The following SMARCC1 variants were observed in gnomAD, a reference collection of about 807,000 sequenced individuals.
SMARCC1 encodes SWI/SNF complex subunit SMARCC1.
In SMARCC1, 43 loss-of-function variants were observed where a neutral mutation model predicts 147.4. The ratio of observed to expected loss-of-function variants is 0.29; its 90% confidence interval spans 0.23 to 0.38. The LOEUF is 0.38. Ranked by LOEUF, SMARCC1 falls within the 10% of genes least tolerant of loss-of-function variation. The pLI is 1.00. For synonymous variants in SMARCC1, 495 were observed against 484.4 expected (o/e 1.02, Z -0.29); for missense variants, 1,119 against 1,381.1 (o/e 0.81, Z 3.01).
At chr3:47,588,553 C>CT in intron 27 of SMARCC1, among the ~76,000 whole-genome samples, 1 of 152,112 alleles carries the variant, frequency 6.6e-6, no homozygotes, top group Non-Finnish European at 1.5e-5. Context: ...TTCCCCCACC[C>CT]TCCTTCCAGG....
At chr3:47,774,300 C>T (rs1285735671) in intron 1 of SMARCC1, among the ~76,000 whole-genome samples, 4 of 150,884 alleles carry the variant, frequency 2.7e-5, no homozygotes, top group Admixed American at 6.6e-5. Flanking sequence ...GACGAAACCC[C>T]GTCTCCACTA....
At chr3:47,749,712 AAC>A (rs1201169683) in intron 2 of SMARCC1, among the ~76,000 whole-genome samples, 3 of 41,390 alleles carry the variant, frequency 7.2e-5, no homozygotes, top group East Asian at 1.0e-3. Context: ...CTCTAAATTA[AAC>A]ACACACACAC....
At chr3:47,730,539 C>A (rs903976088) in intron 5 of SMARCC1, among the ~76,000 whole-genome samples, 3 of 152,092 alleles carry the variant, frequency 2.0e-5, no homozygotes, top group Non-Finnish European at 4.4e-5. Context: ...AGTGTACATA[C>A]CTTAATTTAA....
At chr3:47,671,480 A>T (rs2033502009) in intron 18 of SMARCC1, among the ~76,000 whole-genome samples, 1 of 152,170 alleles carries the variant, frequency 6.6e-6, no homozygotes, top group Admixed American at 6.5e-5. Flanking sequence ...ATAAGCCCAT[A>T]TTATCTCATT....
intron 19 of SMARCC1, chr3:47,663,565 G>C: frequency 1.6e-6 from 2 of 1,273,954 alleles, no homozygotes; most frequent in Non-Finnish European, 2.2e-6. Context: ...GACAAACACA[G>C]CAAGACCCTG....
chr3:47,636,938 C>T (rs908699715), intron 22 of SMARCC1, among the ~76,000 whole-genome samples: 9 of 152,008 alleles, frequency 5.9e-5, no homozygotes, highest in Admixed American at 2.0e-4. Flanking sequence ...TTGACAAAGT[C>T]TTTTAATACA....
chr3:47,745,495 T>C (rs2034554952), intron 3 of SMARCC1, among the ~76,000 whole-genome samples: 1 of 152,036 alleles, frequency 6.6e-6, no homozygotes, highest in South Asian at 2.1e-4. Context: ...GGTGGAGTGC[T>C]TGAGGCCAGG....
intron 9 of SMARCC1, among the ~76,000 whole-genome samples, chr3:47,708,218 A>C (rs6806860): frequency 0.61 from 91,141 of 150,238 alleles, 28,846 homozygotes; most frequent in East Asian, 0.72. Flanking sequence ...CGGATCACTG[A>C]AGCCTTAACC....
At chr3:47,675,200 A>G (rs2033553993) in intron 18 of SMARCC1, among the ~76,000 whole-genome samples, 2 of 152,188 alleles carry the variant, frequency 1.3e-5, no homozygotes, top group Admixed American at 6.5e-5. Context: ...TAAACCTATC[A>G]AATAATTTCA....
chr3:47,731,843 G>A (rs1032649890), intron 5 of SMARCC1, among the ~76,000 whole-genome samples: 10 of 152,148 alleles, frequency 6.6e-5, no homozygotes, highest in African/African-American at 1.9e-4. Flanking sequence ...TGGAGCACAG[G>A]CAAAATAGAT....
At chr3:47,691,153 C>T (rs1443099450) in intron 12 of SMARCC1, among the ~76,000 whole-genome samples, 5 of 151,904 alleles carry the variant, frequency 3.3e-5, no homozygotes, top group Admixed American at 3.3e-4. Context: ...TAATAATATC[C>T]CTAATATTAT....
intron 25 of SMARCC1, among the ~76,000 whole-genome samples, chr3:47,611,776 G>A (rs2032568891): frequency 6.6e-6 from 1 of 152,238 alleles, no homozygotes; most frequent in Non-Finnish European, 1.5e-5. Flanking sequence ...GGTTATAGGA[G>A]TAGCAACTGG....
chr3:47,621,648 C>T (rs2032733837), intron 25 of SMARCC1, among the ~76,000 whole-genome samples: 1 of 151,914 alleles, frequency 6.6e-6, no homozygotes, highest in Admixed American at 6.6e-5. Context: ...ACTGGTGACT[C>T]CAAAAGGGGA....
At chr3:47,781,224 G>A in intron 1 of SMARCC1, among the ~76,000 whole-genome samples, 1 of 152,182 alleles carries the variant, frequency 6.6e-6, no homozygotes, top group Non-Finnish European at 1.5e-5. Context: ...CTTTGAATAC[G>A]CTCTAAACAA....
intron 10 of SMARCC1, among the ~76,000 whole-genome samples, chr3:47,705,462 G>A (rs1213016374): frequency 2.6e-5 from 4 of 151,968 alleles, no homozygotes; most frequent in Non-Finnish European, 5.9e-5. Flanking sequence ...GTTTTTTGAT[G>A]AGTGTAACTT....
intron 21 of SMARCC1, among the ~76,000 whole-genome samples, chr3:47,647,896 C>T (rs1408789243): frequency 6.6e-6 from 1 of 152,176 alleles, no homozygotes; most frequent in African/African-American, 2.4e-5. Context: ...AGTTTATTTC[C>T]CATTCTCTGA....
rs1479602508 is a variant in SMARCC1, at chr3:47,586,019, G to A, written c.*2190C>T. The A allele has an allele frequency of 1.3e-5, 2 of 152,444 alleles. No individual in the cohort carries two copies. The highest frequency in any genetic ancestry group is 4.8e-5 in the African/African-American group (2 of 41,374). The allele number at this position is 152,444 out of a possible 1,614,324, so 9.4% of individuals were successfully genotyped here. ...AAAATAACAACACACTGAGAAACAT[G>A]TTTGTACAAAAACCACATATTATTC... is the stretch of plus-strand genomic sequence containing the variant. On this transcript the variant is annotated 3_prime_UTR_variant, in exon 28 of 28. Transcript: ENST00000254480.
chr3:47,648,418 G>C (rs1487842572), intron 21 of SMARCC1, among the ~76,000 whole-genome samples: 1 of 151,882 alleles, frequency 6.6e-6, no homozygotes, highest in Admixed American at 6.6e-5. Flanking sequence ...ACAGAGTCTT[G>C]TTCTGTCACC....
chr3:47,672,759 G>A (rs1228203012), intron 18 of SMARCC1, among the ~76,000 whole-genome samples: 1 of 151,950 alleles, frequency 6.6e-6, no homozygotes, highest in Non-Finnish European at 1.5e-5. Context: ...CTGCCCCACA[G>A]ACTTAAGTCA....
Sources: gnomAD v4.1 joint callset for allele counts (sites outside exome capture counted in the v4.1 genomes callset) on GRCh38, gnomAD v4.1.1 for gene constraint, MANE v1.5 for transcripts, NCBI Gene and HGNC (gene_info 2026-07-23, HGNC 2026-07-21) for gene names.